Variants in DAB1 observed in about 807,000 individuals in gnomAD.
DAB1 encodes DAB adaptor protein 1.
A neutral mutation model predicts 64.6 loss-of-function variants in DAB1; 15 were observed. That is an observed-to-expected ratio of 0.23 (90% CI 0.16 to 0.36). DAB1 has a LOEUF of 0.36. DAB1 is among the 10% of genes least tolerant of loss of function. The pLI, the probability that DAB1 is intolerant of heterozygous loss-of-function variation, is 1.00. For synonymous variants in DAB1, 235 were observed against 251.9 expected (o/e 0.93, Z 0.64); for missense variants, 596 against 706.7 (o/e 0.84, Z 1.78).
chr1:57,854,627 C>T (rs1326959395), intron 1 of DAB1, among the ~76,000 whole-genome samples: 1 of 152,184 alleles, frequency 6.6e-6, no homozygotes, highest in Admixed American at 6.5e-5. Context: ...CTTCTCTTTC[C>T]ACCACACTTG....
intron 3 of DAB1, among the ~76,000 whole-genome samples, chr1:57,138,481 C>A (rs919873258): frequency 6.6e-6 from 1 of 152,140 alleles, no homozygotes; most frequent in Non-Finnish European, 1.5e-5. Context: ...TTCAGCCTTT[C>A]AAAGCTGCTC....
intron 3 of DAB1, among the ~76,000 whole-genome samples, chr1:58,461,872 T>C (rs1258544994): frequency 6.6e-6 from 1 of 152,228 alleles, no homozygotes; most frequent in Non-Finnish European, 1.5e-5. Flanking sequence ...ACTGATTTCA[T>C]ATACTTCTGC....
intron 7 of DAB1, among the ~76,000 whole-genome samples, chr1:57,469,338 C>T (rs1470117281): frequency 6.6e-6 from 1 of 152,176 alleles, no homozygotes; most frequent in African/African-American, 2.4e-5. Flanking sequence ...ATGACTGAGA[C>T]TTCATGGCTG....
intron 1 of DAB1, among the ~76,000 whole-genome samples, chr1:57,341,100 C>T (rs1020769779): frequency 2.0e-5 from 3 of 152,146 alleles, no homozygotes; most frequent in Admixed American, 1.3e-4. Flanking sequence ...CAGACGAGGA[C>T]ATTGGAACCC....
At chr1:58,186,262 A>T (rs1163752356) in intron 4 of DAB1, among the ~76,000 whole-genome samples, 8 of 152,188 alleles carry the variant, frequency 5.3e-5, no homozygotes, top group Admixed American at 5.2e-4. Flanking sequence ...AGCATGGGGC[A>T]ACAGAATGAA....
chr1:57,701,418 G>A (rs574385448), intron 6 of DAB1, among the ~76,000 whole-genome samples: 37 of 152,156 alleles, frequency 2.4e-4, no homozygotes, highest in African/African-American at 7.5e-4. Context: ...CATGGATGAA[G>A]CTGAAAACCA....
chr1:57,019,571 C>T (rs1646547970), intron 11 of DAB1, among the ~76,000 whole-genome samples: 1 of 152,212 alleles, frequency 6.6e-6, no homozygotes, highest in South Asian at 2.1e-4. Flanking sequence ...CTCTCCTCGG[C>T]CTGTGAGTTA....
intron 1 of DAB1, among the ~76,000 whole-genome samples, chr1:57,390,355 C>T (rs1329485920): frequency 6.6e-6 from 1 of 152,182 alleles, no homozygotes; most frequent in Non-Finnish European, 1.5e-5. Context: ...CACCTGCCCT[C>T]ATAGGGATAC....
intron 4 of DAB1, among the ~76,000 whole-genome samples, chr1:58,293,530 T>C (rs1334557751): frequency 6.6e-6 from 1 of 152,116 alleles, no homozygotes; most frequent in Non-Finnish European, 1.5e-5. Context: ...CGCACAGCAA[T>C]GGAAAGGCTG....
intron 5 of DAB1, among the ~76,000 whole-genome samples, chr1:58,066,199 G>T (rs753408929): frequency 6.6e-6 from 1 of 152,206 alleles, no homozygotes; most frequent in Non-Finnish European, 1.5e-5. Flanking sequence ...ACAAAAGGCA[G>T]ATCCTCAAAA....
chr1:58,433,113 C>T (rs577875788), intron 3 of DAB1, among the ~76,000 whole-genome samples: 61 of 152,290 alleles, frequency 4.0e-4, no homozygotes, highest in African/African-American at 1.3e-3. Context: ...CCCACACCCC[C>T]CCTATTTCGT....
At chr1:57,272,560 T>A (rs751126834) in intron 2 of DAB1, among the ~76,000 whole-genome samples, 1 of 152,168 alleles carries the variant, frequency 6.6e-6, no homozygotes, top group Non-Finnish European at 1.5e-5. Flanking sequence ...GAGAGATGGG[T>A]CCTATCACTC....
intron 4 of DAB1, among the ~76,000 whole-genome samples, chr1:58,300,013 G>A (rs1335199944): frequency 2.0e-5 from 3 of 152,080 alleles, no homozygotes; most frequent in Non-Finnish European, 2.9e-5. Context: ...TTATGGCTTA[G>A]CTCCATGGAG....
chr1:58,417,072 C>T (rs1232325595), intron 3 of DAB1, among the ~76,000 whole-genome samples: 1 of 152,052 alleles, frequency 6.6e-6, no homozygotes, highest in Non-Finnish European at 1.5e-5. Flanking sequence ...TTTAAAATTC[C>T]TATTGACTTG....
intron 2 of DAB1, among the ~76,000 whole-genome samples, chr1:57,156,924 T>G (rs61765336): frequency 0.12 from 17,952 of 152,112 alleles, 1,344 homozygotes; most frequent in East Asian, 0.4. Context: ...GCAGCAGAAG[T>G]CTCTGCCAAT....
intron 6 of DAB1, among the ~76,000 whole-genome samples, chr1:57,794,599 T>C (rs1278113378): frequency 1.3e-5 from 2 of 152,220 alleles, no homozygotes; most frequent in Non-Finnish European, 2.9e-5. Flanking sequence ...CATGCCTCCA[T>C]TGTACCTAAG....
At chr1:57,439,435 T>TTTTTTG (rs1685842814) in intron 7 of DAB1, among the ~76,000 whole-genome samples, 4 of 135,374 alleles carry the variant, frequency 3.0e-5, no homozygotes, top group South Asian at 5.2e-4. Context: ...CTTTTTTTTT[T>TTTTTTG]TTTTTTTTTT....
chr1:58,472,626 C>A (rs2100332657), intron 3 of DAB1, among the ~76,000 whole-genome samples: 1 of 152,188 alleles, frequency 6.6e-6, no homozygotes, highest in South Asian at 2.1e-4. Context: ...TCTGCTGGGA[C>A]ATTTGAAATA....
intron 4 of DAB1, among the ~76,000 whole-genome samples, chr1:58,164,700 A>G (rs1359013953): frequency 6.6e-6 from 1 of 152,196 alleles, no homozygotes; most frequent in Non-Finnish European, 1.5e-5. Flanking sequence ...ATGTGGCTGC[A>G]GCCTTAGGCC....
Sources: gnomAD v4.1 joint callset for allele counts (sites outside exome capture counted in the v4.1 genomes callset) on GRCh38, gnomAD v4.1.1 for gene constraint, MANE v1.5 for transcripts, NCBI Gene and HGNC (gene_info 2026-07-23, HGNC 2026-07-21) for gene names.